The following TIAM1 variants were observed in gnomAD, a reference collection of about 807,000 sequenced individuals.
The protein encoded by TIAM1 is rho guanine nucleotide exchange factor TIAM1.
Under a neutral mutation model 163.5 loss-of-function variants are expected in TIAM1, and 65 were observed. That is an observed-to-expected ratio of 0.40 (90% CI 0.33 to 0.49). The LOEUF (loss-of-function observed/expected upper bound fraction) is 0.49, where lower values mean the gene tolerates loss of function less well. Ranked by LOEUF, TIAM1 falls within the 20% of genes least tolerant of loss-of-function variation. The pLI is 0.77. For missense variants in TIAM1, 1,789 were observed against 2,044.7 expected (o/e 0.87, Z 2.41); for synonymous variants, 833 against 810.1 (o/e 1.03, Z -0.48).
chr21:31,534,448 G>C (rs1003225150), intron 1 of TIAM1, among the ~76,000 whole-genome samples: 2 of 152,268 alleles, frequency 1.3e-5, no homozygotes, highest in Admixed American at 1.3e-4. Context: ...GGCCGAGGTG[G>C]GTGGATCACC....
At chr21:31,242,520 G>A (rs1388533057) in intron 6 of TIAM1, among the ~76,000 whole-genome samples, 4 of 152,142 alleles carry the variant, frequency 2.6e-5, no homozygotes, top group South Asian at 2.1e-4. Flanking sequence ...AGAGATGAAG[G>A]CTAAGGCAGA....
chr21:31,221,121 T>C (rs1487410766), intron 8 of TIAM1, among the ~76,000 whole-genome samples: 1 of 151,474 alleles, frequency 6.6e-6, no homozygotes, highest in East Asian at 1.9e-4. Flanking sequence ...ATCCCAGGGG[T>C]CAAATGACAA....
chr21:31,497,387 C>G (rs1044572061), intron 1 of TIAM1, among the ~76,000 whole-genome samples: 1 of 152,104 alleles, frequency 6.6e-6, no homozygotes, highest in African/African-American at 2.4e-5. Context: ...CTGATATGAT[C>G]TTTAAAAATA....
At chr21:31,287,453 T>C (rs2073854766) in intron 2 of TIAM1, among the ~76,000 whole-genome samples, 1 of 152,172 alleles carries the variant, frequency 6.6e-6, no homozygotes, top group Non-Finnish European at 1.5e-5. Flanking sequence ...CAGACAGGGC[T>C]GTAACAGCTA....
At chr21:31,537,365 T>C (rs187734375) in intron 1 of TIAM1, among the ~76,000 whole-genome samples, 7 of 151,826 alleles carry the variant, frequency 4.6e-5, no homozygotes, top group Admixed American at 4.6e-4. Flanking sequence ...GTAAAGAAGA[T>C]GTGCTATCTT....
At chr21:31,434,138 AG>A (rs979979929) in intron 2 of TIAM1, among the ~76,000 whole-genome samples, 6 of 148,382 alleles carry the variant, frequency 4.0e-5, no homozygotes, top group Non-Finnish European at 7.3e-5. Flanking sequence ...CTATTTTTAA[AG>A]AAAAAAAAAG....
chr21:31,172,280 GACA>G (rs2084548408), intron 15 of TIAM1, among the ~76,000 whole-genome samples: 1 of 152,176 alleles, frequency 6.6e-6, no homozygotes, highest in Non-Finnish European at 1.5e-5. Flanking sequence ...AAGAAGTGTA[GACA>G]ACAACATGGT....
Position 31,253,951 on chromosome 21 carries a change from T to C in TIAM1, c.964-1762A>G, listed in dbSNP as rs539719391. On this transcript the variant is annotated intron_variant, in intron 4 of 27. Transcript: ENST00000541036. ...CAAAAGAAAATTTGACAATTGTTGATTATTCAGGATAACCAATGAGTTACA... is the reference window on the plus strand; with the variant it reads ...CAAAAGAAAATTTGACAATTGTTGACTATTCAGGATAACCAATGAGTTACA... 2.0e-5 allele frequency among the ~76,000 whole-genome samples: 3 copies of C among 152,344 alleles called. No homozygotes were observed. The East Asian group carries it at 5.8e-4, about 29-fold the overall frequency.
chr21:31,199,793 G>T (rs1001269873), intron 12 of TIAM1, among the ~76,000 whole-genome samples: 7 of 150,968 alleles, frequency 4.6e-5, no homozygotes, highest in African/African-American at 1.7e-4. Flanking sequence ...GCCTCCCAAA[G>T]TGCTGGGATT....
At chr21:31,183,148 A>C (rs1313615218) in intron 14 of TIAM1, among the ~76,000 whole-genome samples, 1 of 152,214 alleles carries the variant, frequency 6.6e-6, no homozygotes, top group East Asian at 1.9e-4. Context: ...AGAATGTCTC[A>C]TTCCAAATAC....
intron 2 of TIAM1, among the ~76,000 whole-genome samples, chr21:31,278,711 T>G (rs143152307): frequency 6.6e-6 from 1 of 152,242 alleles, no homozygotes; most frequent in Non-Finnish European, 1.5e-5. Flanking sequence ...TAGTGACTCA[T>G]GCTTGCAGGG....
At chr21:31,415,463 T>C (rs1228314621) in intron 2 of TIAM1, among the ~76,000 whole-genome samples, 1 of 152,204 alleles carries the variant, frequency 6.6e-6, no homozygotes, top group Non-Finnish European at 1.5e-5. Flanking sequence ...TTGCAGTGTC[T>C]GCCCCTTCTT....
In TIAM1 at chr21:31,136,052, G is replaced by C; in HGVS notation, c.3775-11C>G. Reference sequence around the variant, plus strand: ...GCTCAGATCTGCAACCTGAAAGCCAGAGACGTGACAAAGCTTACTGGGTGG... The same window carrying C: ...GCTCAGATCTGCAACCTGAAAGCCACAGACGTGACAAAGCTTACTGGGTGG... On this transcript the variant is annotated splice_polypyrimidine_tract_variant and intron_variant, in intron 22 of 27. Transcript: ENST00000541036. The C allele has an allele frequency of 6.2e-7, 1 of 1,610,190 alleles. No homozygotes were observed. Among genetic ancestry groups the C allele is most frequent in the South Asian group, 1.1e-5 (1 of 90,792 alleles).
At chr21:31,275,182 A>C (rs1162286247) in intron 3 of TIAM1, among the ~76,000 whole-genome samples, 1 of 152,074 alleles carries the variant, frequency 6.6e-6, no homozygotes, top group Non-Finnish European at 1.5e-5. Context: ...TATACACATG[A>C]TAAATCTGCG....
At chr21:31,384,270 A>C (rs887064775) in intron 2 of TIAM1, among the ~76,000 whole-genome samples, 1 of 152,100 alleles carries the variant, frequency 6.6e-6, no homozygotes, top group Non-Finnish European at 1.5e-5. Flanking sequence ...CAAATGAAAA[A>C]AAAAATGTCA....
At chr21:31,496,045 G>A (rs1451541760) in intron 1 of TIAM1, among the ~76,000 whole-genome samples, 1 of 152,054 alleles carries the variant, frequency 6.6e-6, no homozygotes, top group Non-Finnish European at 1.5e-5. Flanking sequence ...ACGTGGAGGT[G>A]GACAACAGTG....
intron 4 of TIAM1, among the ~76,000 whole-genome samples, chr21:31,255,382 C>T (rs573136501): frequency 6.6e-6 from 1 of 152,300 alleles, no homozygotes; most frequent in South Asian, 2.1e-4. Flanking sequence ...TCCCAAATTC[C>T]CAGAAGTCCA....
At chr21:31,275,187 T>A (rs886665007) in intron 3 of TIAM1, among the ~76,000 whole-genome samples, 1 of 151,924 alleles carries the variant, frequency 6.6e-6, no homozygotes, top group Non-Finnish European at 1.5e-5. Flanking sequence ...ACATGATAAA[T>A]CTGCGTAAGA....
At chr21:31,490,785 T>C (rs1323874949) in intron 1 of TIAM1, among the ~76,000 whole-genome samples, 4 of 152,220 alleles carry the variant, frequency 2.6e-5, no homozygotes, top group African/African-American at 9.6e-5. Context: ...TTGCAATTAC[T>C]GGCAGTGCTG....
Sources: gnomAD v4.1 joint callset for allele counts (sites outside exome capture counted in the v4.1 genomes callset) on GRCh38, gnomAD v4.1.1 for gene constraint, MANE v1.5 for transcripts, NCBI Gene and HGNC (gene_info 2026-07-23, HGNC 2026-07-21) for gene names.